LARGE1: variants seen among roughly 807,000 people sequenced by gnomAD.
LARGE1 encodes the protein LARGE xylosyl- and glucuronyltransferase 1, also known as xylosyl- and glucuronyltransferase LARGE1.
Under a neutral mutation model 87.6 loss-of-function variants are expected in LARGE1, and 43 were observed. The observed-to-expected ratio is 0.49, with a 90% CI of 0.38 to 0.63. The LOEUF (loss-of-function observed/expected upper bound fraction) is 0.63, where lower values mean the gene tolerates loss of function less well. Among genes scored for constraint, LARGE1 ranks in the 30% least tolerant of loss-of-function variants. The probability of loss-of-function intolerance (pLI) is 0.00; values close to 1 mark genes in which losing one functional copy is unlikely to be tolerated. For synonymous variants in LARGE1, 434 were observed against 394.6 expected (o/e 1.10, Z -1.18); for missense variants, 802 against 1,000.2 (o/e 0.80, Z 2.67).
intron 11 of LARGE1, among the ~76,000 whole-genome samples, chr22:33,249,558 A>G (rs1377553511): frequency 1.3e-5 from 2 of 152,194 alleles, no homozygotes; most frequent in Non-Finnish European, 2.9e-5. Flanking sequence ...AGTCTAGCCT[A>G]TTAGTTATTT....
chr22:33,756,149 C>T (rs570179103), intron 2 of LARGE1, among the ~76,000 whole-genome samples: 1 of 152,170 alleles, frequency 6.6e-6, no homozygotes, highest in Admixed American at 6.6e-5. Context: ...GTGGAAGACC[C>T]CAGAGTCATG....
At chr22:33,330,775 T>C (rs537870462) in intron 10 of LARGE1, among the ~76,000 whole-genome samples, 2 of 152,346 alleles carry the variant, frequency 1.3e-5, no homozygotes, top group East Asian at 3.9e-4. Context: ...GCCCAACCAG[T>C]GGCTCTGAAA....
At chr22:33,593,916 C>T (rs1012166202) in intron 5 of LARGE1, among the ~76,000 whole-genome samples, 6 of 152,122 alleles carry the variant, frequency 3.9e-5, no homozygotes, top group Non-Finnish European at 8.8e-5. Context: ...TCAGACTACC[C>T]AAAATTCATG....
intron 2 of LARGE1, among the ~76,000 whole-genome samples, chr22:33,713,398 A>G (rs1193463139): frequency 1.3e-5 from 2 of 152,170 alleles, no homozygotes; most frequent in Admixed American, 1.3e-4. Context: ...CCACTAGTAC[A>G]TAAATGCAGA....
intron 3 of LARGE1, among the ~76,000 whole-genome samples, chr22:33,634,510 G>C (rs1298129760): frequency 6.6e-6 from 1 of 152,116 alleles, no homozygotes; most frequent in Non-Finnish European, 1.5e-5. Flanking sequence ...CTCTCAAGTA[G>C]AGAGCACCAC....
chr22:33,707,699 C>CG (rs909974428), intron 2 of LARGE1, among the ~76,000 whole-genome samples: 3 of 152,166 alleles, frequency 2.0e-5, no homozygotes, highest in Non-Finnish European at 2.9e-5. Flanking sequence ...CAGATAAGTC[C>CG]GGGGGAAGCA....
At chr22:33,841,559 AAC>A (rs2063282764) in intron 1 of LARGE1, among the ~76,000 whole-genome samples, 4 of 152,190 alleles carry the variant, frequency 2.6e-5, no homozygotes, top group Admixed American at 2.0e-4. Flanking sequence ...AGTGGGAAAG[AAC>A]ACACATACCT....
chr22:33,206,771 G>A (rs1339156209), intron 11 of LARGE1, among the ~76,000 whole-genome samples: 1 of 152,122 alleles, frequency 6.6e-6, no homozygotes, highest in African/African-American at 2.4e-5. Flanking sequence ...ATAGTTTTTT[G>A]AACAATCATG....
At chr22:33,315,986 G>A in intron 11 of LARGE1, 99 bp downstream of exon 11, 1 of 1,346,376 alleles carries the variant, frequency 7.4e-7, no homozygotes. Context: ...TCCAATTTTA[G>A]CAGATGCACT....
chr22:33,818,304 C>T (rs1305666763), intron 1 of LARGE1, among the ~76,000 whole-genome samples: 5 of 152,146 alleles, frequency 3.3e-5, no homozygotes, highest in African/African-American at 9.7e-5. Context: ...TGTAGTCTGT[C>T]GCTGCAAGGA....
At chr22:33,659,585 C>T (rs1437849603) in intron 2 of LARGE1, among the ~76,000 whole-genome samples, 1 of 151,970 alleles carries the variant, frequency 6.6e-6, no homozygotes, top group African/African-American at 2.4e-5. Context: ...GCAATGATGA[C>T]ACACAAAGGC....
intron 1 of LARGE1, among the ~76,000 whole-genome samples, chr22:33,798,886 T>C (rs888697834): frequency 2.0e-5 from 3 of 152,138 alleles, no homozygotes; most frequent in African/African-American, 7.2e-5. Context: ...ACATACATCC[T>C]ACAGCAAAAC....
chr22:33,326,120 A>ATGAG (rs1937219066), intron 10 of LARGE1, among the ~76,000 whole-genome samples: 1 of 152,180 alleles, frequency 6.6e-6, no homozygotes, highest in Admixed American at 6.5e-5. Context: ...AAACCAAACT[A>ATGAG]TGAGTCCATT....
chr22:33,081,610 T>C, the LARGE1 span, among the ~76,000 whole-genome samples: 1 of 152,170 alleles, frequency 6.6e-6, no homozygotes, highest in Non-Finnish European at 1.5e-5. Context: ...TTTGAGAGAT[T>C]AACCCTTTTT....
intron 11 of LARGE1, among the ~76,000 whole-genome samples, chr22:33,263,820 C>G (rs1927779222): frequency 6.6e-6 from 1 of 152,258 alleles, no homozygotes; most frequent in South Asian, 2.1e-4. Flanking sequence ...CCTGTTACAA[C>G]TGGATGCCAT....
At chr22:33,156,656 G>T in the LARGE1 span, among the ~76,000 whole-genome samples, 1 of 152,100 alleles carries the variant, frequency 6.6e-6, no homozygotes, top group Non-Finnish European at 1.5e-5. Flanking sequence ...GTGACTTTGG[G>T]CTGTGGACTT....
intron 1 of LARGE1, among the ~76,000 whole-genome samples, chr22:33,789,464 GGGCA>G (rs2085754767): frequency 6.6e-6 from 1 of 152,146 alleles, no homozygotes. Context: ...GTGCCCACTG[GGGCA>G]CTGCCTAGTG....
Position 33,492,425 on chromosome 22 carries a change from C to T in LARGE1, c.788-60160G>A, listed in dbSNP as rs558473679. On this transcript the variant is annotated intron_variant, in intron 6 of 14. Coordinates refer to ENST00000397394, the MANE Select transcript of LARGE1 (RefSeq NM_133642.5). ...GGTGCAAACCACCTCCTGGGCACCA[C>T]ACTTTCCCTTTACATCTGTGAATCT... is the stretch of plus-strand genomic sequence containing the variant. Among the ~76,000 whole-genome samples, 89 of 152,342 alleles carry T rather than the reference C, an allele frequency of 5.8e-4. 1 individual carries two copies. Among genetic ancestry groups the T allele is most frequent in the Middle Eastern group, 3.4e-3 (1 of 294 alleles).
intron 9 of LARGE1, among the ~76,000 whole-genome samples, chr22:33,368,254 G>T (rs1479845003): frequency 6.6e-6 from 1 of 152,136 alleles, no homozygotes; most frequent in African/African-American, 2.4e-5. Flanking sequence ...ATATGGGCTG[G>T]GTGCGGTGGC....
Sources: gnomAD v4.1 joint callset for allele counts (sites outside exome capture counted in the v4.1 genomes callset) on GRCh38, gnomAD v4.1.1 for gene constraint, MANE v1.5 for transcripts, NCBI Gene and HGNC (gene_info 2026-07-23, HGNC 2026-07-21) for gene names.